The following RABGAP1 variants were observed in gnomAD, a reference collection of about 807,000 sequenced individuals.
RABGAP1 encodes rab GTPase-activating protein 1.
In RABGAP1, 23 loss-of-function variants were observed where a neutral mutation model predicts 137.6. The ratio of observed to expected loss-of-function variants is 0.17; its 90% CI spans 0.12 to 0.24. The LOEUF is 0.24. RABGAP1 is among the 10% of genes least tolerant of loss of function. The pLI is 1.00. For missense variants in RABGAP1, 906 were observed against 1,275.8 expected (o/e 0.71, Z 4.42); for synonymous variants, 451 against 450.7 (o/e 1.00, Z -0.01).
intron 1 of RABGAP1, among the ~76,000 whole-genome samples, chr9:122,949,195 G>A (rs1018357942): frequency 3.3e-5 from 5 of 152,040 alleles, no homozygotes; most frequent in African/African-American, 1.2e-4. Flanking sequence ...GGTCAACATG[G>A]TGAAACTTCA....
chr9:123,003,563 G>A lies in RABGAP1; in HGVS notation c.1374+4797G>A, dbSNP rs1588251267. Among the ~76,000 whole-genome samples, 2 of 152,226 alleles carry A rather than the reference G, an allele frequency of 1.3e-5. 1 individual carries two copies. Among genetic ancestry groups the A allele is most frequent in the East Asian group, 3.9e-4 (2 of 5,188 alleles). On this transcript the variant is annotated intron_variant, in intron 10 of 25. Transcript: ENST00000373647. ...ATTTCTGTTTTTTGCTGCCAGTATA[G>A]GAAAACAATATGTAAATGCTTTTTA... is the stretch of plus-strand genomic sequence containing the variant.
At chr9:123,032,560 T>C (rs1198650352) in intron 13 of RABGAP1, among the ~76,000 whole-genome samples, 3 of 152,240 alleles carry the variant, frequency 2.0e-5, no homozygotes, top group Admixed American at 6.5e-5. Flanking sequence ...GCCATTTGTC[T>C]GTAATTAGAA....
chr9:122,937,495 G>C (rs1262959748), upstream of RABGAP1: 1 of 152,224 alleles, frequency 6.6e-6, no homozygotes, highest in African/African-American at 2.4e-5. Flanking sequence ...TTTTCAGGAG[G>C]CTGAGGGAGG....
intron 1 of RABGAP1, among the ~76,000 whole-genome samples, chr9:122,954,558 TACAAAG>T (rs1439998938): frequency 6.6e-6 from 1 of 152,240 alleles, no homozygotes; most frequent in Non-Finnish European, 1.5e-5. Flanking sequence ...AGTAGTAGTA[TACAAAG>T]TTGTTAGTGT....
At chr9:123,004,555 T>A (rs2030037658) in intron 10 of RABGAP1, among the ~76,000 whole-genome samples, 1 of 152,100 alleles carries the variant, frequency 6.6e-6, no homozygotes, top group Admixed American at 6.5e-5. Flanking sequence ...AGTGCTGAGA[T>A]TATAGGCATG....
intron 2 of RABGAP1, among the ~76,000 whole-genome samples, chr9:122,961,685 A>G (rs894535505): frequency 2.6e-5 from 4 of 152,232 alleles, no homozygotes; most frequent in Non-Finnish European, 5.9e-5. Context: ...ATGTGTATCT[A>G]TATAGGCACT....
intron 14 of RABGAP1, among the ~76,000 whole-genome samples, chr9:123,069,162 T>G (rs993549187): frequency 6.6e-6 from 1 of 152,182 alleles, no homozygotes; most frequent in African/African-American, 2.4e-5. Flanking sequence ...AGGAGATGGG[T>G]AGTAATCATT....
chr9:123,042,396 A>T (rs935697326), intron 13 of RABGAP1, among the ~76,000 whole-genome samples: 2 of 152,220 alleles, frequency 1.3e-5, no homozygotes, highest in African/African-American at 4.8e-5. Flanking sequence ...AGCCCAAAAC[A>T]ATCAAGCAAA....
intron 12 of RABGAP1, among the ~76,000 whole-genome samples, chr9:123,016,482 G>T (rs920236762): frequency 6.6e-6 from 1 of 152,116 alleles, no homozygotes; most frequent in South Asian, 2.1e-4. Context: ...ACTCCAGCCT[G>T]GGTGACAGAG....
chr9:123,017,197 A>G (rs900329996), intron 12 of RABGAP1, among the ~76,000 whole-genome samples: 4 of 152,276 alleles, frequency 2.6e-5, no homozygotes, highest in Non-Finnish European at 4.4e-5. Context: ...AAACAGAAAC[A>G]TAATTGAGTT....
Position 122,997,377 on chromosome 9 carries a change from G to A in RABGAP1, c.1204+16G>A. On this transcript the variant is annotated intron_variant, in intron 9 of 25. Transcript: ENST00000373647. ...ACTCCTAAAGGTGATACAGATTGTT[G>A]ACATCATGAACAGAAATTTTAGTCT... 1 of 1,553,054 alleles carries A rather than the reference G, an allele frequency of 6.4e-7. No homozygotes were observed. Among genetic ancestry groups the A allele is most frequent in the Non-Finnish European group, 8.8e-7 (1 of 1,141,064 alleles).
At chr9:123,047,919 GTTTTTTTTTTTTTTTTTTTTTTTTT>G (rs59639446) in intron 13 of RABGAP1, among the ~76,000 whole-genome samples, 1 of 62,252 alleles carries the variant, frequency 1.6e-5, no homozygotes, top group Non-Finnish European at 3.6e-5. Context: ...CAGCTGCTGG[GTTTTTTTTTTTTTTTTTTTTTTTTT>G]TTTTTTTTTT....
intron 13 of RABGAP1, chr9:123,035,052 GCCTT>G (rs775479418): frequency 3.1e-6 from 5 of 1,613,922 alleles, no homozygotes; most frequent in East Asian, 2.2e-5. Context: ...TGGTCTTCCT[GCCTT>G]CCTTTTTCCA....
At chr9:123,019,957 T>C (rs1327940740) in intron 12 of RABGAP1, among the ~76,000 whole-genome samples, 1 of 152,110 alleles carries the variant, frequency 6.6e-6, no homozygotes, top group East Asian at 1.9e-4. Context: ...GTGCTGGGAT[T>C]ACAGGCGTGA....
chr9:123,099,439 A>G (rs376121995), intron 23 of RABGAP1, 39 bp from the exon 24 acceptor site: 20 of 1,544,164 alleles, frequency 1.3e-5, no homozygotes, highest in Non-Finnish European at 1.6e-5. Flanking sequence ...GATGATTACA[A>G]TTGCTCAAGA....
At chr9:123,098,655 T>C in intron 22 of RABGAP1, 60 bp from the exon 23 acceptor site, 1 of 1,478,772 alleles carries the variant, frequency 6.8e-7, no homozygotes, top group Non-Finnish European at 9.3e-7. Flanking sequence ...AAGCGGTTGG[T>C]GGCAGAACTT....
intron 8 of RABGAP1, chr9:122,996,936 T>A (rs1174891304): frequency 7.7e-6 from 4 of 516,366 alleles, no homozygotes; most frequent in Non-Finnish European, 1.4e-5. Flanking sequence ...GAGTTATTAG[T>A]ATTATTCCCA....
At chr9:123,049,768 G>T (rs1203162398) in intron 13 of RABGAP1, among the ~76,000 whole-genome samples, 1 of 152,212 alleles carries the variant, frequency 6.6e-6, no homozygotes, top group Non-Finnish European at 1.5e-5. Flanking sequence ...TCTCTCCCAA[G>T]GTGGGAAATA....
intron 2 of RABGAP1, among the ~76,000 whole-genome samples, chr9:122,958,555 G>A (rs569283396): frequency 4.9e-4 from 74 of 152,074 alleles, no homozygotes; most frequent in Non-Finnish European, 1.0e-3. Context: ...GGTGGGGGGA[G>A]CAGGGAGGGA....
Sources: allele counts gnomAD v4.1 joint callset (sites outside exome capture counted in the v4.1 genomes callset), GRCh38; gene constraint gnomAD v4.1.1; transcripts MANE v1.5; gene names NCBI Gene and HGNC (gene_info 2026-07-23, HGNC 2026-07-21).